Variants in STXBP5L observed in about 807,000 individuals in gnomAD.
STXBP5L encodes syntaxin-binding protein 5-like.
Under a neutral mutation model 144.5 loss-of-function variants are expected in STXBP5L, and 65 were observed. The observed-to-expected ratio is 0.45, with a 90% CI of 0.37 to 0.55. The LOEUF is 0.55. Among genes scored for constraint, STXBP5L ranks in the 20% least tolerant of loss-of-function variants. The pLI, the probability that STXBP5L is intolerant of heterozygous loss-of-function variation, is 0.00. For missense variants in STXBP5L, 1,298 were observed against 1,405.5 expected (o/e 0.92, Z 1.22); for synonymous variants, 505 against 469.6 (o/e 1.08, Z -0.97).
chr3:120,929,591 A>G (rs1281146395), intron 2 of STXBP5L, among the ~76,000 whole-genome samples: 1 of 152,116 alleles, frequency 6.6e-6, no homozygotes, highest in African/African-American at 2.4e-5. Flanking sequence ...GCTTTTACGA[A>G]CATCTGTGGG....
chr3:121,355,083 T>C (rs1369679512), intron 20 of STXBP5L, among the ~76,000 whole-genome samples: 2 of 152,226 alleles, frequency 1.3e-5, no homozygotes, highest in Admixed American at 6.5e-5. Flanking sequence ...CTTTCTTTTG[T>C]GGGTAACTCG....
At chr3:121,165,368 T>C (rs964412035) in intron 9 of STXBP5L, among the ~76,000 whole-genome samples, 1 of 152,154 alleles carries the variant, frequency 6.6e-6, no homozygotes, top group African/African-American at 2.4e-5. Flanking sequence ...AGCACTATGA[T>C]GATATTATAC....
At chr3:121,129,228 G>C (rs1002934557) in intron 7 of STXBP5L, among the ~76,000 whole-genome samples, 9 of 151,916 alleles carry the variant, frequency 5.9e-5, no homozygotes, top group African/African-American at 2.2e-4. Context: ...ATATTGGTTT[G>C]CTTACCCTGT....
intron 23 of STXBP5L, among the ~76,000 whole-genome samples, chr3:121,409,765 G>C (rs2047074938): frequency 6.6e-6 from 1 of 151,930 alleles, no homozygotes; most frequent in African/African-American, 2.4e-5. Context: ...GGCTGCTTTT[G>C]CACTACAGGG....
chr3:121,024,321 G>T (rs886159457), intron 3 of STXBP5L, among the ~76,000 whole-genome samples: 1 of 152,120 alleles, frequency 6.6e-6, no homozygotes, highest in Non-Finnish European at 1.5e-5. Context: ...AATATGCTTT[G>T]CCTCATATGC....
At chr3:121,179,686 A>G (rs555606503) in intron 9 of STXBP5L, among the ~76,000 whole-genome samples, 10 of 152,288 alleles carry the variant, frequency 6.6e-5, no homozygotes, top group African/African-American at 1.9e-4. Flanking sequence ...ATTAAAAAAT[A>G]TATGTAGGAT....
chr3:120,972,084 A>G (rs992728403), intron 3 of STXBP5L, among the ~76,000 whole-genome samples: 2 of 151,948 alleles, frequency 1.3e-5, no homozygotes, highest in Admixed American at 1.3e-4. Context: ...TGAATTTTAC[A>G]ATTATTCTTA....
intron 10 of STXBP5L, among the ~76,000 whole-genome samples, chr3:121,217,291 A>C (rs566792802): frequency 9.2e-5 from 14 of 152,098 alleles, no homozygotes; most frequent in Non-Finnish European, 1.8e-4. Flanking sequence ...TTTGCATTTT[A>C]AACCCAGGGC....
Position 121,413,233 on chromosome 3 carries a change from T to C in STXBP5L, c.3024T>C (p.Cys1008=), listed in dbSNP as rs2047160490. The change falls in exon 24 of 27, where the codon TGT becomes TGC. Residue 1008 remains cysteine (C), a synonymous_variant. Coordinates refer to ENST00000471454, the MANE Select transcript of STXBP5L (RefSeq NM_001308330.2). ...ACATGAGGATAGCACGAACATTTTG[T>C]TTTACCAATGAAGGACAGGCATTAT... ...LTDMRIARTF[C]FTNEGQALYL... The C allele has an allele frequency of 6.2e-7, 1 of 1,610,734 alleles. No individual in the cohort carries two copies.
intron 18 of STXBP5L, among the ~76,000 whole-genome samples, chr3:121,274,254 A>G (rs1378174365): frequency 1.3e-5 from 2 of 152,184 alleles, no homozygotes; most frequent in African/African-American, 4.8e-5. Flanking sequence ...AATGGCTACA[A>G]GGGCACCAGC....
At chr3:120,911,444 C>A (rs1422090131) in intron 2 of STXBP5L, among the ~76,000 whole-genome samples, 1 of 152,038 alleles carries the variant, frequency 6.6e-6, no homozygotes, top group Non-Finnish European at 1.5e-5. Flanking sequence ...GCCATATACT[C>A]TTGGGTAAGC....
chr3:121,082,229 T>C (rs2042279478), intron 5 of STXBP5L, among the ~76,000 whole-genome samples: 1 of 152,206 alleles, frequency 6.6e-6, no homozygotes, highest in African/African-American at 2.4e-5. Context: ...TTGCTTATGT[T>C]GAGTCTTCCA....
chr3:121,370,874 C>T (rs560814461), intron 20 of STXBP5L, among the ~76,000 whole-genome samples: 6 of 152,306 alleles, frequency 3.9e-5, no homozygotes, highest in African/African-American at 9.6e-5. Flanking sequence ...TACATTCTTT[C>T]CTGCACTGGC....
At chr3:120,981,714 G>T (rs1279065719) in intron 3 of STXBP5L, among the ~76,000 whole-genome samples, 2 of 152,174 alleles carry the variant, frequency 1.3e-5, no homozygotes. Context: ...CTAGAAAGCT[G>T]ATGTGATCCT....
rs1197241548 is a variant in STXBP5L, at chr3:121,103,438, C to T, written c.471-11487C>T. 5.9e-5 allele frequency among the ~76,000 whole-genome samples: 9 copies of T among 152,204 alleles called. No individual in the cohort carries two copies. The East Asian group carries it at 1.7e-3, about 29-fold the overall frequency. ...TATCTTAAGAAAATTTACACAGGAA[C>T]AGAAAACCAAACAACACATGTTCTC... On this transcript the variant is annotated intron_variant, in intron 5 of 26. Coordinates refer to ENST00000471454, the MANE Select transcript of STXBP5L (RefSeq NM_001308330.2).
chr3:121,084,412 G>T (rs776394007), intron 5 of STXBP5L, among the ~76,000 whole-genome samples: 1 of 151,942 alleles, frequency 6.6e-6, no homozygotes, highest in Non-Finnish European at 1.5e-5. Flanking sequence ...CTTCTTCCAC[G>T]TGTTTTCATT....
At chr3:120,960,852 A>G (rs1938702584) in intron 3 of STXBP5L, among the ~76,000 whole-genome samples, 1 of 149,266 alleles carries the variant, frequency 6.7e-6, no homozygotes, top group Non-Finnish European at 1.5e-5. Context: ...TGGCACATGT[A>G]TACATATGTA....
chr3:121,344,767 G>T (rs1361559294), intron 20 of STXBP5L, among the ~76,000 whole-genome samples: 3 of 151,432 alleles, frequency 2.0e-5, no homozygotes, highest in Non-Finnish European at 4.4e-5. Flanking sequence ...AGAAGGAAGA[G>T]GAATTATACT....
chr3:121,156,381 C>A (rs935944545), intron 8 of STXBP5L, among the ~76,000 whole-genome samples: 1 of 151,946 alleles, frequency 6.6e-6, no homozygotes, highest in East Asian at 1.9e-4. Context: ...TTAATCTTCT[C>A]TCTCTTGCTG....
Sources: gnomAD v4.1 joint callset for allele counts (sites outside exome capture counted in the v4.1 genomes callset) on GRCh38, gnomAD v4.1.1 for gene constraint, MANE v1.5 for transcripts, NCBI Gene and HGNC (gene_info 2026-07-23, HGNC 2026-07-21) for gene names.